Variants in SLC7A1 observed in about 807,000 individuals in gnomAD.
SLC7A1 encodes high affinity cationic amino acid transporter 1.
In SLC7A1, 10 loss-of-function variants were observed where a neutral mutation model predicts 53.9. That is an observed-to-expected ratio of 0.19 (90% confidence interval 0.11 to 0.31). SLC7A1 has a LOEUF of 0.31. SLC7A1 is among the 10% of genes least tolerant of loss of function. The pLI, the probability that SLC7A1 is intolerant of heterozygous loss-of-function variation, is 1.00. For missense variants in SLC7A1, 525 were observed against 827.2 expected (o/e 0.63, Z 4.48); for synonymous variants, 342 against 338.7 (o/e 1.01, Z -0.11).
chr13:29,568,567 C>T (rs911994548), intron 1 of SLC7A1, among the ~76,000 whole-genome samples: 2 of 152,248 alleles, frequency 1.3e-5, no homozygotes, highest in Admixed American at 6.5e-5. Flanking sequence ...CTAAAATCAC[C>T]TTGCACACAG....
In SLC7A1 at chr13:29,523,384, T is replaced by A. The variant is rs777508270; in HGVS notation, c.931A>T (p.Met311Leu). 1.2e-6 allele frequency: 2 copies of A among 1,613,772 alleles called. No homozygotes were observed. The highest frequency in any genetic ancestry group is 2.2e-5 in the East Asian group (1 of 44,828). Reference protein sequence around the residue: ...YFGVSAALTLMMPYFCLDNNS... With the variant: ...YFGVSAALTLLMPYFCLDNNS... ...TTGTCCAGGCAGAAGTAGGGCATCA[T>A]GAGCGTGAGGGCAGCCGACACCCCA... Residue 311 changes from methionine (M) to leucine (L), a missense_variant, in exon 7 of 13, where the codon ATG becomes TTG. Physicochemically the swap from Met to Leu is conservative, Grantham distance 15. Around this residue, in one of 4 missense-constraint regions of SLC7A1, gnomAD observed 354 missense variants for 587.5 expected, o/e 0.60. Coordinates refer to ENST00000380752, the MANE Select transcript of SLC7A1 (RefSeq NM_003045.5).
At chr13:29,561,872 A>T (rs146168396) in intron 1 of SLC7A1, among the ~76,000 whole-genome samples, 1 of 152,308 alleles carries the variant, frequency 6.6e-6, no homozygotes, top group African/African-American at 2.4e-5. Flanking sequence ...AGACACACTG[A>T]AAGCTGCAAT....
At chr13:29,539,432 T>C (rs907852510) in intron 2 of SLC7A1, among the ~76,000 whole-genome samples, 7 of 152,204 alleles carry the variant, frequency 4.6e-5, no homozygotes, top group Non-Finnish European at 1.0e-4. Context: ...CTGCTGCCAG[T>C]TGAGAACCCA....
chr13:29,554,193 T>C (rs1022327009), intron 1 of SLC7A1, among the ~76,000 whole-genome samples: 1 of 152,192 alleles, frequency 6.6e-6, no homozygotes, highest in Admixed American at 6.5e-5. Context: ...GTCGTAGGCA[T>C]GCAAAAGCTC....
chr13:29,548,280 C>T (rs1018602330), intron 2 of SLC7A1, among the ~76,000 whole-genome samples: 6 of 152,204 alleles, frequency 3.9e-5, no homozygotes, highest in Admixed American at 6.5e-5. Context: ...CTGTCTAAAA[C>T]GTTAGGCACA....
Position 29,535,946 on chromosome 13 carries a change from G to T in SLC7A1, c.243C>A (p.Gly81=). ...LIAALASVLA[G]LCYGEFGARV... is the part of the protein sequence containing the mutation. ...GAGCACCAAACTCGCCATAGCACAG[G>T]CCAGCCAGCACTGAGGCCAGCGCAG... Residue 81 remains glycine (G), a synonymous_variant, in exon 3 of 13, where the codon GGC becomes GGA. Transcript: ENST00000380752. 1 of 1,614,190 alleles carries T rather than the reference G, an allele frequency of 6.2e-7. No individual in the cohort carries two copies. Among genetic ancestry groups the T allele is most frequent in the Non-Finnish European group, 8.5e-7 (1 of 1,180,050 alleles).
At chr13:29,552,886 G>A (rs1054167399) in intron 2 of SLC7A1, among the ~76,000 whole-genome samples, 3 of 152,154 alleles carry the variant, frequency 2.0e-5, no homozygotes, top group African/African-American at 7.2e-5. Context: ...CGCTGGGTTA[G>A]GGTCTCCGAC....
chr13:29,587,610 A>C (rs986296205), intron 1 of SLC7A1, among the ~76,000 whole-genome samples: 12 of 152,212 alleles, frequency 7.9e-5, no homozygotes, highest in African/African-American at 2.9e-4. Context: ...CAAGTCCAGG[A>C]AGCAAGGGGT....
intron 1 of SLC7A1, among the ~76,000 whole-genome samples, chr13:29,567,397 T>C (rs1202537656): frequency 1.3e-5 from 2 of 152,126 alleles, no homozygotes; most frequent in African/African-American, 4.8e-5. Flanking sequence ...GCAGTCAAAA[T>C]GGAACAGTCT....
intron 2 of SLC7A1, among the ~76,000 whole-genome samples, chr13:29,538,816 G>A (rs974528557): frequency 7.9e-5 from 12 of 152,212 alleles, no homozygotes; most frequent in South Asian, 4.1e-4. Context: ...AAATTGCTGC[G>A]AAGTCACTTC....
intron 1 of SLC7A1, among the ~76,000 whole-genome samples, chr13:29,563,719 T>C (rs1870857593): frequency 6.6e-6 from 1 of 152,206 alleles, no homozygotes; most frequent in African/African-American, 2.4e-5. Flanking sequence ...AGCACTACCC[T>C]GTGCTGTCCA....
intron 7 of SLC7A1, among the ~76,000 whole-genome samples, chr13:29,522,753 C>A (rs544362327): frequency 2.6e-5 from 4 of 152,210 alleles, no homozygotes; most frequent in Non-Finnish European, 5.9e-5. Flanking sequence ...TTTATTCCTG[C>A]AATTATTTCT....
chr13:29,594,016 T>C (rs1368215940), intron 1 of SLC7A1, among the ~76,000 whole-genome samples: 1 of 152,246 alleles, frequency 6.6e-6, no homozygotes, highest in Non-Finnish European at 1.5e-5. Context: ...TCGTGTGACT[T>C]AAATAAGACC....
At position 29,516,123 on chromosome 13, in the gene SLC7A1, A is replaced by G. The variant is rs955437482; in HGVS notation, c.1786+15T>C. 3.2e-6 allele frequency: 5 copies of G among 1,540,226 alleles called. No homozygotes were observed. Among genetic ancestry groups the G allele is most frequent in the Non-Finnish European group, 4.5e-6 (5 of 1,115,340 alleles). ...AAGCCAGGATCTTGGACGTGCTGGC[A>G]GCAGCATCACATACCTATCAGCATC... On this transcript the variant is annotated intron_variant, in intron 12 of 12. Transcript: ENST00000380752.
chr13:29,576,068 CCTT>C (rs67640034), intron 1 of SLC7A1, among the ~76,000 whole-genome samples: 9,910 of 151,536 alleles, frequency 0.065, 396 homozygotes, highest in Middle Eastern at 0.16. Context: ...TAGGAGGATC[CCTT>C]GAGGCCAGGA....
chr13:29,584,109 CTTTT>C (rs1418868464), intron 1 of SLC7A1, among the ~76,000 whole-genome samples: 1 of 109,274 alleles, frequency 9.2e-6, no homozygotes, highest in African/African-American at 2.5e-5. Flanking sequence ...ATATTTGTAA[CTTTT>C]TTTTTCTTTT....
At chr13:29,561,178 G>A (rs1870736974) in intron 1 of SLC7A1, among the ~76,000 whole-genome samples, 1 of 152,088 alleles carries the variant, frequency 6.6e-6, no homozygotes, top group African/African-American at 2.4e-5. Context: ...ACTAAGAACG[G>A]ACCAAACACT....
chr13:29,566,231 C>T (rs1416202673), intron 1 of SLC7A1, among the ~76,000 whole-genome samples: 2 of 152,098 alleles, frequency 1.3e-5, no homozygotes, highest in African/African-American at 4.8e-5. Context: ...TAAGAAGATT[C>T]CTCAAAAAGT....
chr13:29,536,815 A>C (rs1467226450), intron 2 of SLC7A1, among the ~76,000 whole-genome samples: 1 of 152,188 alleles, frequency 6.6e-6, no homozygotes, highest in Admixed American at 6.5e-5. Flanking sequence ...GCTTTTCGTC[A>C]CTGTTACTAC....
Sources: allele counts gnomAD v4.1 joint callset (sites outside exome capture counted in the v4.1 genomes callset), GRCh38; gene constraint gnomAD v4.1.1; regional missense constraint gnomAD v4.1.1; transcripts MANE v1.5; gene names NCBI Gene and HGNC (gene_info 2026-07-23, HGNC 2026-07-21).